The following AFF1 variants were observed in gnomAD, a reference collection of about 807,000 sequenced individuals.
AFF1 encodes ALF transcription elongation factor 1, also known as AF4/FMR2 family member 1.
AFF1 carries 48 observed loss-of-function variants against 121.7 expected under a neutral mutation model. The ratio of observed to expected loss-of-function variants is 0.39; its 90% CI spans 0.31 to 0.50. AFF1 has a LOEUF of 0.50. Ranked by LOEUF, AFF1 falls within the 20% of genes least tolerant of loss-of-function variation. The probability of loss-of-function intolerance (pLI) is 0.76; values close to 1 mark genes in which losing one functional copy is unlikely to be tolerated. For missense variants in AFF1, 1,523 were observed against 1,511.7 expected, an observed-to-expected ratio of 1.01 and a Z score of -0.12; for synonymous variants, 613 against 563.0, an observed-to-expected ratio of 1.09 and a Z score of -1.26.
intron 1 of AFF1, 105 bp from the exon 2 acceptor site, chr4:86,948,393 G>A: frequency 1.4e-6 from 1 of 693,532 alleles, no homozygotes; most frequent in Non-Finnish European, 2.3e-6. Flanking sequence ...TAATTCAAAT[G>A]AGAACTTGGA....
rs201166216 is a variant in AFF1 at position 87,022,576 on chromosome 4, A to C, written c.39-23590A>C. Among the ~76,000 whole-genome samples the C allele has an allele frequency of 2.5e-3, 215 of 86,042 alleles. 11 individuals are homozygous for C. The highest frequency in any genetic ancestry group is 0.017 in the East Asian group (49 of 2,936). The allele number at this position is 86,042 out of a possible 152,430, so 56.4% of individuals were successfully genotyped here. A position where few individuals can be genotyped will look rare whatever the true frequency, so the allele number is the denominator to read the frequency against. On this transcript the variant is annotated intron_variant, in intron 2 of 20. Coordinates refer to ENST00000395146, the MANE Select transcript of AFF1 (RefSeq NM_001166693.3). ...TATATATATATATATATATATATATATATATATCTATCTATATCTATCTGT... is the reference window on the plus strand; with the variant it reads ...TATATATATATATATATATATATATCTATATATCTATCTATATCTATCTGT...
intron 7 of AFF1, among the ~76,000 whole-genome samples, chr4:87,092,252 C>T (rs182625428): frequency 2.4e-3 from 361 of 152,266 alleles, no homozygotes; most frequent in Non-Finnish European, 4.4e-3. Flanking sequence ...CACTGCACTC[C>T]AGCCTGGGAG....
chr4:87,128,949 A>G (rs1479630921), intron 16 of AFF1, among the ~76,000 whole-genome samples: 1 of 152,240 alleles, frequency 6.6e-6, no homozygotes, highest in Non-Finnish European at 1.5e-5. Flanking sequence ...ACTGTCAGCC[A>G]GTTATCTAAA....
chr4:87,079,374 A>G (rs1300317055), intron 4 of AFF1, among the ~76,000 whole-genome samples: 1 of 152,240 alleles, frequency 6.6e-6, no homozygotes, highest in African/African-American at 2.4e-5. Context: ...ACAGTTACAC[A>G]ATGTCATTCC....
intron 2 of AFF1, among the ~76,000 whole-genome samples, chr4:86,962,090 G>C (rs1226609232): frequency 6.6e-6 from 1 of 151,796 alleles, no homozygotes; most frequent in Non-Finnish European, 1.5e-5. Context: ...AGGGAGTTGA[G>C]AGCAAAGGGT....
Position 87,138,182 on chromosome 4 carries a change from T to C in AFF1, c.*2481T>C, listed in dbSNP as rs1228099879. 2 of 232,562 alleles carry C rather than the reference T, an allele frequency of 8.6e-6. No homozygotes were observed. Among genetic ancestry groups the C allele is most frequent in the African/African-American group, 4.4e-5 (2 of 45,306 alleles). The allele number at this position is 232,562 out of a possible 1,614,324, so 14.4% of individuals were successfully genotyped here. A position where few individuals can be genotyped will look rare whatever the true frequency, so the allele number is the denominator to read the frequency against. On this transcript the variant is annotated 3_prime_UTR_variant, in exon 21 of 21. Transcript: ENST00000395146. The stretch of plus-strand genomic sequence containing the variant: ...AAGGAGAGTAACTAATGGTAACCTT[T>C]TTAATAGAGTATGTGAAAGGTAGTG...
rs1032296171 is a variant in AFF1 at position 87,004,371 on chromosome 4, A to C, written c.39-41795A>C. On this transcript the variant is annotated intron_variant, in intron 2 of 20. Transcript: ENST00000395146. ...ATTTTAGATATTATTTACTACATTAAAAATTAAAATTGAGGTATTTAAAAT... is the reference window on the plus strand; with the variant it reads ...ATTTTAGATATTATTTACTACATTACAAATTAAAATTGAGGTATTTAAAAT... 7.9e-5 allele frequency among the ~76,000 whole-genome samples: 12 copies of C among 152,364 alleles called. No individual in the cohort carries two copies. The East Asian group carries it at 1.9e-3, about 24-fold the overall frequency.
chr4:87,096,238 T>C (rs1243226486), intron 8 of AFF1, among the ~76,000 whole-genome samples: 2 of 151,966 alleles, frequency 1.3e-5, no homozygotes, highest in Non-Finnish European at 2.9e-5. Flanking sequence ...ATGAGGTTTT[T>C]GTTTTTGTTG....
intron 2 of AFF1, among the ~76,000 whole-genome samples, chr4:86,995,533 C>T (rs970766027): frequency 2.2e-4 from 34 of 152,086 alleles, no homozygotes; most frequent in South Asian, 8.3e-4. Flanking sequence ...GGGCTGGTCT[C>T]CAGCTCCTAA....
At chr4:87,068,257 G>GGCC (rs1721585457) in intron 4 of AFF1, among the ~76,000 whole-genome samples, 1 of 120,132 alleles carries the variant, frequency 8.3e-6, no homozygotes, top group Non-Finnish European at 1.7e-5. Context: ...CATGAAAATT[G>GGCC]CCCCCCCCCC....
chr4:87,091,352 G>A (rs1308413014), intron 6 of AFF1, among the ~76,000 whole-genome samples: 3 of 152,138 alleles, frequency 2.0e-5, no homozygotes, highest in South Asian at 2.1e-4. Context: ...GCAGTGAGCC[G>A]AGATTGCACC....
At chr4:87,131,910 T>C (rs1339916379) in intron 18 of AFF1, 46 bp downstream of exon 18, 1 of 1,419,994 alleles carries the variant, frequency 7.0e-7, no homozygotes, top group Non-Finnish European at 9.5e-7. Context: ...TGTTTTTGCA[T>C]CTGTTGATGT....
chr4:87,014,179 G>A (rs958072160), intron 2 of AFF1, among the ~76,000 whole-genome samples: 1 of 152,082 alleles, frequency 6.6e-6, no homozygotes, highest in Non-Finnish European at 1.5e-5. Flanking sequence ...TGATCATACA[G>A]CACCTTCCCA....
intron 1 of AFF1, among the ~76,000 whole-genome samples, chr4:86,943,011 C>T (rs542878515): frequency 1.5e-4 from 23 of 152,280 alleles, no homozygotes; most frequent in African/African-American, 5.5e-4. Flanking sequence ...TGTGGGTTGG[C>T]TGGAGAGAGT....
At chr4:87,033,797 G>GT (rs767595544) in intron 2 of AFF1, among the ~76,000 whole-genome samples, 49 of 150,962 alleles carry the variant, frequency 3.2e-4, no homozygotes, top group African/African-American at 4.9e-4. Context: ...ATAACTGCCT[G>GT]TTTTTTTTTA....
chr4:87,130,884 A>G (rs1728765999), intron 16 of AFF1, among the ~76,000 whole-genome samples, 199 bp from the exon 17 acceptor site: 1 of 152,184 alleles, frequency 6.6e-6, no homozygotes, highest in South Asian at 2.1e-4. Context: ...CTTTTTCCTA[A>G]TGAATTTTTG....
chr4:87,119,295 C>G lies in AFF1; in HGVS notation c.2466+3996C>G, dbSNP rs550900724. Among the ~76,000 whole-genome samples the G allele has an allele frequency of 1.0e-3, 154 of 152,188 alleles. 1 individual carries two copies. The highest frequency in any genetic ancestry group is 3.5e-3 in the African/African-American group (147 of 41,536). On this transcript the variant is annotated intron_variant, in intron 12 of 20. Transcript: ENST00000395146. ...AATTGGGAGCCCTCTAAAAATGTAC[C>G]TGGCTGGGCACAGTGGCTCACACTT...
chr4:87,086,156 T>C (rs1723713850), intron 5 of AFF1, among the ~76,000 whole-genome samples: 1 of 152,264 alleles, frequency 6.6e-6, no homozygotes, highest in South Asian at 2.1e-4. Context: ...TTCTGAAATT[T>C]GTTGGTATGG....
intron 2 of AFF1, among the ~76,000 whole-genome samples, chr4:86,960,578 T>G (rs530262306): frequency 6.6e-6 from 1 of 152,358 alleles, no homozygotes; most frequent in African/African-American, 2.4e-5. Context: ...GTTACAAGGC[T>G]TTGAGTATGA....
Sources: allele counts gnomAD v4.1 joint callset (sites outside exome capture counted in the v4.1 genomes callset), GRCh38; gene constraint gnomAD v4.1.1; transcripts MANE v1.5; gene names NCBI Gene and HGNC (gene_info 2026-07-23, HGNC 2026-07-21).